SEMA3E: variants seen among roughly 807,000 people sequenced by gnomAD.
SEMA3E encodes the protein semaphorin 3E, also known as semaphorin-3E.
SEMA3E carries 49 observed loss-of-function variants against 93.6 expected under a neutral mutation model. That is an observed-to-expected ratio of 0.52 (90% CI 0.42 to 0.66). SEMA3E has a LOEUF of 0.66. Ranked by LOEUF, SEMA3E falls within the 30% of genes least tolerant of loss-of-function variation. The pLI is 0.00. For missense variants in SEMA3E, 906 were observed against 964.8 expected, an observed-to-expected ratio of 0.94 and a Z score of 0.81; for synonymous variants, 363 against 330.7, an observed-to-expected ratio of 1.10 and a Z score of -1.06.
chr7:83,365,239 CTT>C lies in SEMA3E; in HGVS notation c.*2345_*2346del, dbSNP rs962734523. The C allele has an allele frequency of 4.6e-5, 7 of 152,088 alleles. No homozygotes were observed. Among genetic ancestry groups the C allele is most frequent in the African/African-American group, 1.7e-4 (7 of 41,402 alleles). The allele number at this position is 152,088 out of a possible 1,614,324, so 9.4% of individuals were successfully genotyped here. On this transcript the variant is annotated 3_prime_UTR_variant, in exon 17 of 17. Coordinates refer to ENST00000643230, the MANE Select transcript of SEMA3E (RefSeq NM_012431.3). ...GAAACTGCTTTCTCTCTCCCTTCGTCTTTCTCTCTCCCTCCCTCTTCTTTCCC... is the reference window on the plus strand; with the variant it reads ...GAAACTGCTTTCTCTCTCCCTTCGTCTCTCTCTCCCTCCCTCTTCTTTCCC...
At chr7:83,385,598 A>C (rs2116916898) in intron 15 of SEMA3E, among the ~76,000 whole-genome samples, 165 bp from the exon 16 acceptor site, 1 of 152,200 alleles carries the variant, frequency 6.6e-6, no homozygotes, top group South Asian at 2.1e-4. Context: ...TGGCATACCA[A>C]AATTTAGGCA....
Position 83,569,159 on chromosome 7 carries a change from T to C in SEMA3E, c.116-78885A>G, listed in dbSNP as rs1045463618. On this transcript the variant is annotated intron_variant, in intron 1 of 16. Coordinates refer to ENST00000643230, the MANE Select transcript of SEMA3E (RefSeq NM_012431.3). Reference sequence around the variant, plus strand: ...AATAGCTACAAAAAAAAAAAAATCTTATAAATAAATTTAACCTAAGGGGTA... The same window carrying C: ...AATAGCTACAAAAAAAAAAAAATCTCATAAATAAATTTAACCTAAGGGGTA... Among the ~76,000 whole-genome samples the C allele has an allele frequency of 2.6e-5, 4 of 151,196 alleles. No homozygotes were observed. In the East Asian group the frequency reaches 7.8e-4, roughly 29 times the overall value.
intron 5 of SEMA3E, among the ~76,000 whole-genome samples, chr7:83,416,372 A>G (rs1788539335): frequency 6.6e-6 from 1 of 152,028 alleles, no homozygotes; most frequent in Non-Finnish European, 1.5e-5. Context: ...TCACTTAGAA[A>G]TGTCCCTCCA....
Position 83,611,077 on chromosome 7 carries a change from G to A in SEMA3E, c.115+37351C>T, listed in dbSNP as rs73708512. Among the ~76,000 whole-genome samples, 1,102 of 151,096 alleles carry A rather than the reference G, an allele frequency of 7.3e-3. 15 individuals are homozygous for A. Among genetic ancestry groups the A allele is most frequent in the African/African-American group, 0.025 (1,044 of 41,200 alleles). ...CCATTGCTTTCAATGGCAAATTTTA[G>A]GCAAATTCCTAACTACCTGTGTCAG... On this transcript the variant is annotated intron_variant, in intron 1 of 16. Coordinates refer to ENST00000643230, the MANE Select transcript of SEMA3E (RefSeq NM_012431.3).
At chr7:83,402,872 G>T in intron 9 of SEMA3E, 96 bp from the exon 10 acceptor site, 1 of 1,164,274 alleles carries the variant, frequency 8.6e-7, no homozygotes, top group Non-Finnish European at 1.2e-6. Context: ...CAAGTCTTTT[G>T]GGTAAAGTGG....
chr7:83,546,753 TTAA>T (rs1367944514), intron 1 of SEMA3E, among the ~76,000 whole-genome samples: 2 of 152,074 alleles, frequency 1.3e-5, no homozygotes, highest in African/African-American at 4.8e-5. Flanking sequence ...GGAAAATAAA[TTAA>T]TGATGAGTAA....
chr7:83,444,746 C>A (rs1789190252), intron 4 of SEMA3E, among the ~76,000 whole-genome samples: 1 of 151,084 alleles, frequency 6.6e-6, no homozygotes, highest in Non-Finnish European at 1.5e-5. Flanking sequence ...TCTCGGCTCA[C>A]TGCAAACTCC....
chr7:83,500,590 C>CTTTTTTTTTTTTTTTTTTT (rs371350850), intron 1 of SEMA3E, among the ~76,000 whole-genome samples: 1 of 100,616 alleles, frequency 9.9e-6, no homozygotes, highest in Non-Finnish European at 1.9e-5. Flanking sequence ...AACTTTCTTC[C>CTTTTTTTTTTTTTTTTTTT]TTTTTTTTTT....
chr7:83,402,508 C>T (rs1180072601), intron 10 of SEMA3E, 124 bp downstream of exon 10: 5 of 816,550 alleles, frequency 6.1e-6, no homozygotes, highest in Admixed American at 2.3e-5. Context: ...TACTTTTCAC[C>T]AAGCATACTT....
At chr7:83,596,404 C>T (rs1792872923) in intron 1 of SEMA3E, among the ~76,000 whole-genome samples, 1 of 151,996 alleles carries the variant, frequency 6.6e-6, no homozygotes, top group Admixed American at 6.6e-5. Context: ...ATGCTCATTA[C>T]TAACGTCACT....
At chr7:83,513,846 A>G (rs1015892542) in intron 1 of SEMA3E, among the ~76,000 whole-genome samples, 1 of 152,150 alleles carries the variant, frequency 6.6e-6, no homozygotes, top group African/African-American at 2.4e-5. Context: ...TTTTAATATA[A>G]ATGTACCATT....
intron 1 of SEMA3E, among the ~76,000 whole-genome samples, chr7:83,550,960 A>G (rs899573406): frequency 3.3e-5 from 5 of 152,154 alleles, no homozygotes; most frequent in Non-Finnish European, 7.4e-5. Flanking sequence ...TAAAAGTATA[A>G]CATAATTAAA....
chr7:83,576,098 A>G (rs1792396010), intron 1 of SEMA3E, among the ~76,000 whole-genome samples: 1 of 152,222 alleles, frequency 6.6e-6, no homozygotes, highest in Admixed American at 6.5e-5. Flanking sequence ...ATTAGAAAGT[A>G]TAAAAGTTAT....
chr7:83,384,617 C>CTT (rs1375259695), intron 16 of SEMA3E, among the ~76,000 whole-genome samples: 2 of 152,114 alleles, frequency 1.3e-5, no homozygotes, highest in Middle Eastern at 3.4e-3. Flanking sequence ...GCCCTGGACT[C>CTT]TTTCTATAGA....
intron 11 of SEMA3E, among the ~76,000 whole-genome samples, chr7:83,397,594 A>AAGTTTATACT (rs1265803748): frequency 6.6e-6 from 1 of 152,116 alleles, no homozygotes; most frequent in Admixed American, 6.6e-5. Flanking sequence ...TTTATTTTTA[A>AAGTTTATACT]AGTTTATACT....
At chr7:83,588,970 A>G (rs1308035776) in intron 1 of SEMA3E, among the ~76,000 whole-genome samples, 1 of 152,028 alleles carries the variant, frequency 6.6e-6, no homozygotes, top group Non-Finnish European at 1.5e-5. Context: ...GAAACTTCCT[A>G]AGGAGGTGAT....
chr7:83,582,215 A>C (rs1214550095), intron 1 of SEMA3E, among the ~76,000 whole-genome samples: 2 of 150,634 alleles, frequency 1.3e-5, no homozygotes, highest in African/African-American at 4.8e-5. Flanking sequence ...CATTAAAACA[A>C]ATACATCTAA....
intron 1 of SEMA3E, among the ~76,000 whole-genome samples, chr7:83,601,324 T>C (rs1039150693): frequency 6.6e-6 from 1 of 152,186 alleles, no homozygotes; most frequent in Non-Finnish European, 1.5e-5. Context: ...CAGACTTCAG[T>C]GAGAGCTACT....
At chr7:83,452,346 G>C (rs1176345376) in intron 4 of SEMA3E, among the ~76,000 whole-genome samples, 1 of 152,128 alleles carries the variant, frequency 6.6e-6, no homozygotes, top group Non-Finnish European at 1.5e-5. Context: ...AGCCCTCATA[G>C]TGGCTCCCTG....
Sources: gnomAD v4.1 joint callset for allele counts (sites outside exome capture counted in the v4.1 genomes callset) on GRCh38, gnomAD v4.1.1 for gene constraint, MANE v1.5 for transcripts, NCBI Gene and HGNC (gene_info 2026-07-23, HGNC 2026-07-21) for gene names.